The following TMBIM6 variants were observed in gnomAD, a reference collection of about 807,000 sequenced individuals.
TMBIM6 encodes transmembrane BAX inhibitor motif containing 6.
A neutral mutation model predicts 31.4 loss-of-function variants in TMBIM6; 13 were observed. The observed-to-expected ratio is 0.41, with a 90% CI of 0.27 to 0.66. The LOEUF is 0.66. Ranked by LOEUF, TMBIM6 falls within the 30% of genes least tolerant of loss-of-function variation. TMBIM6 has a pLI of 0.28. For missense variants in TMBIM6, 275 were observed against 289.5 expected (o/e 0.95, Z 0.36); for synonymous variants, 85 against 101.7 (o/e 0.84, Z 0.99).
At chr12:49,762,021 A>C (rs1393783971) in intron 9 of TMBIM6, 1 of 493,642 alleles carries the variant, frequency 2.0e-6, no homozygotes, top group Non-Finnish European at 3.6e-6. Flanking sequence ...CTTCAGTGGC[A>C]GTAAACACAA....
intron 4 of TMBIM6, 131 bp from the exon 5 acceptor site, chr12:49,758,094 GGA>G (rs1454388723): frequency 2.4e-5 from 22 of 927,904 alleles, no homozygotes; most frequent in Non-Finnish European, 3.6e-5. Flanking sequence ...ACAGCGGAGG[GGA>G]GAGAGATTTA....
chr12:49,759,240 T>C lies in TMBIM6; in HGVS notation c.533T>C (p.Leu178Pro). ...WLFQANLYVG[L>P]VVMCGFVLFD... is the part of the protein sequence containing the mutation. Reference sequence around the variant, plus strand: ...TGTTAGGCAAACCTGTATGTGGGACTGGTGGTCATGTGTGGCTTCGTCCTT... The same window carrying C: ...TGTTAGGCAAACCTGTATGTGGGACCGGTGGTCATGTGTGGCTTCGTCCTT... The change falls in exon 8 of 10, where the codon CTG becomes CCG. Residue 178 changes from leucine to proline, a missense_variant. By Grantham distance (98) the Leu-to-Pro change is moderately conservative. Transcript: ENST00000267115. 6.2e-7 allele frequency: 1 copy of C among 1,614,176 alleles called. No homozygotes were observed. Among genetic ancestry groups the C allele is most frequent in the Non-Finnish European group, 8.5e-7 (1 of 1,180,006 alleles).
chr12:49,748,541 A>G lies in TMBIM6; in HGVS notation c.-30-3923A>G, dbSNP rs774271968. Among the ~76,000 whole-genome samples, 6 of 152,338 alleles carry G rather than the reference A, an allele frequency of 3.9e-5. No homozygotes were observed. In the South Asian group the frequency reaches 1.2e-3, roughly 32 times the overall value. On this transcript the variant is annotated intron_variant, in intron 1 of 9. Transcript: ENST00000267115. ...GGATACCACAGAATGATGACACTTC[A>G]GCAAAACTTTAGCAGTATGTGCATG... is the stretch of plus-strand genomic sequence containing the variant.
In TMBIM6 at chr12:49,758,747, C is replaced by T. The variant is rs779252713; in HGVS notation, c.498C>T (p.Ser166=). The T allele has an allele frequency of 6.2e-7, 1 of 1,613,462 alleles. No homozygotes were observed. Among genetic ancestry groups the T allele is most frequent in the African/African-American group, 1.3e-5 (1 of 74,636 alleles). ...LSSLGNVFFG[S]IWLFQANLYV... ...CCCTGGGGAATGTTTTCTTTGGATC[C>T]ATTTGGCTTTTCCAGGTAAGACTTA... Residue 166 remains serine, a synonymous_variant, in exon 7 of 10, where the codon TCC becomes TCT. Transcript: ENST00000267115.
chr12:49,763,263 A>C lies in TMBIM6; in HGVS notation c.*367A>C, dbSNP rs995726517. The C allele has an allele frequency of 2.1e-5, 4 of 189,674 alleles. No homozygotes were observed. Among genetic ancestry groups the C allele is most frequent in the African/African-American group, 9.3e-5 (4 of 43,018 alleles). 11.7% of individuals were successfully genotyped at this position (189,674 alleles called of 1,614,324 possible). On this transcript the variant is annotated 3_prime_UTR_variant, in exon 10 of 10. Transcript: ENST00000267115. The stretch of plus-strand genomic sequence containing the variant: ...CCAGTGGACCTGAACTGTTTGGTAG[A>C]GCCACCCGGCCCTTCCTTCCTCATT...
intron 4 of TMBIM6, among the ~76,000 whole-genome samples, 192 bp from the exon 5 acceptor site, chr12:49,758,033 TAA>T (rs774037062): frequency 1.5e-5 from 2 of 133,170 alleles, no homozygotes; most frequent in African/African-American, 2.8e-5. Flanking sequence ...GCTATTTCTA[TAA>T]AAAAAAAAAA....
intron 1 of TMBIM6, among the ~76,000 whole-genome samples, chr12:49,752,212 A>C (rs1463698679): frequency 6.6e-6 from 1 of 152,232 alleles, no homozygotes; most frequent in Non-Finnish European, 1.5e-5. Flanking sequence ...AAAGAATAGA[A>C]ATCAGATGAT....
intron 1 of TMBIM6, among the ~76,000 whole-genome samples, chr12:49,750,125 A>G (rs17123922): frequency 0.034 from 5,104 of 152,150 alleles, 122 homozygotes; most frequent in Middle Eastern, 0.085. Flanking sequence ...TTTTCCATCA[A>G]CAGTTGTTAA....
At chr12:49,742,030 C>T (rs1945304247) in intron 1 of TMBIM6, 2 of 1,484,032 alleles carry the variant, frequency 1.3e-6, no homozygotes, top group Admixed American at 2.1e-5. Flanking sequence ...GAACGCGAAA[C>T]TCCACCCATC....
Position 49,762,999 on chromosome 12 carries a change from C to T in TMBIM6, c.*103C>T. The stretch of plus-strand genomic sequence containing the variant: ...TGTGTTCTGTGATAATGAAAAGCAT[C>T]AGAAAAGCTTTTGTACTTTGTGGTT... On this transcript the variant is annotated 3_prime_UTR_variant, in exon 10 of 10. Coordinates refer to ENST00000267115, the MANE Select transcript of TMBIM6 (RefSeq NM_003217.3). The T allele has an allele frequency of 7.8e-7, 1 of 1,288,254 alleles. No individual in the cohort carries two copies. The allele number at this position is 1,288,254 out of a possible 1,614,324, so 79.8% of individuals were successfully genotyped here.
At chr12:49,760,029 G>A (rs1945683584) in intron 8 of TMBIM6, among the ~76,000 whole-genome samples, 2 of 144,334 alleles carry the variant, frequency 1.4e-5, no homozygotes, top group Non-Finnish European at 3.0e-5. Context: ...GGAGAATGGT[G>A]TGAACCGGGG....
intron 3 of TMBIM6, among the ~76,000 whole-genome samples, chr12:49,755,018 G>A (rs1183576239): frequency 6.6e-6 from 1 of 152,098 alleles, no homozygotes; most frequent in Non-Finnish European, 1.5e-5. Context: ...GTGCAATGGC[G>A]TGATCTTGGC....
intron 1 of TMBIM6, chr12:49,742,035 C>G: frequency 6.7e-7 from 1 of 1,496,228 alleles, no homozygotes. Context: ...CGAAACTCCA[C>G]CCATCCGATT....
chr12:49,762,749 G>T, intron 9 of TMBIM6, 124 bp from the exon 10 acceptor site: 1 of 922,658 alleles, frequency 1.1e-6, no homozygotes, highest in Non-Finnish European at 1.7e-6. Flanking sequence ...AGCTAAGGAA[G>T]CATTTCTCAT....
intron 8 of TMBIM6, among the ~76,000 whole-genome samples, chr12:49,760,533 CTTT>C (rs35862867): frequency 0.088 from 8,268 of 93,532 alleles, 453 homozygotes; most frequent in African/African-American, 0.21. Context: ...TGCCCAGCCA[CTTT>C]TTTTTTTTTT....
chr12:49,742,496 C>T (rs895587025), intron 1 of TMBIM6: 6 of 496,098 alleles, frequency 1.2e-5, no homozygotes, highest in African/African-American at 2.0e-5. Flanking sequence ...ATTGACCACC[C>T]CCACAACAAA....
intron 1 of TMBIM6, among the ~76,000 whole-genome samples, chr12:49,746,940 A>G (rs1470286404): frequency 1.3e-5 from 2 of 151,796 alleles, no homozygotes; most frequent in East Asian, 3.9e-4. Context: ...GGTTCAAACG[A>G]TTTTCCTTCC....
chr12:49,762,648 T>TGGGGAC (rs975623767), intron 9 of TMBIM6, among the ~76,000 whole-genome samples: 4 of 151,774 alleles, frequency 2.6e-5, no homozygotes, highest in Admixed American at 6.6e-5. Flanking sequence ...GGGGTGGGGG[T>TGGGGAC]GGGGACAGCT....
rs74087196 is a variant in TMBIM6, at chr12:49,763,125, A to G, written c.*229A>G. The stretch of plus-strand genomic sequence containing the variant: ...GTTCCCCTCACTCCCTTTTTTGTCA[A>G]CCCCATCTGTAGCCTCTTCCTCTAC... On this transcript the variant is annotated 3_prime_UTR_variant, in exon 10 of 10. Coordinates refer to ENST00000267115, the MANE Select transcript of TMBIM6 (RefSeq NM_003217.3). 7.1e-3 allele frequency: 3,044 copies of G among 426,524 alleles called. 88 individuals are homozygous for G. Among genetic ancestry groups the G allele is most frequent in the African/African-American group, 0.054 (2,727 of 50,490 alleles). 26.4% of individuals were successfully genotyped at this position (426,524 alleles called of 1,614,324 possible). A position where few individuals can be genotyped will look rare whatever the true frequency, so the allele number is the denominator to read the frequency against.
Sources: gnomAD v4.1 joint callset for allele counts (sites outside exome capture counted in the v4.1 genomes callset) on GRCh38, gnomAD v4.1.1 for gene constraint, MANE v1.5 for transcripts, NCBI Gene and HGNC (gene_info 2026-07-23, HGNC 2026-07-21) for gene names.